SAXO2: variants seen among roughly 807,000 people sequenced by gnomAD.
SAXO2 encodes family with sequence similarity 154, member B.
SAXO2 carries 17 observed loss-of-function variants against 18.7 expected under a neutral mutation model. The observed-to-expected ratio is 0.91, with a 90% CI of 0.62 to 1.36. The LOEUF (loss-of-function observed/expected upper bound fraction) is 1.36. Among genes scored for constraint, SAXO2 ranks in the 40% most tolerant of loss-of-function variants. The probability of loss-of-function intolerance (pLI) is 0.00; values close to 1 mark genes in which losing one functional copy is unlikely to be tolerated. For missense variants in SAXO2, 486 were observed against 562.6 expected (o/e 0.86, Z 1.38); for synonymous variants, 163 against 181.2 (o/e 0.90, Z 0.81).
chr15:82,264,272 A>G (rs2075185313), intron 1 of SAXO2, among the ~76,000 whole-genome samples: 1 of 151,610 alleles, frequency 6.6e-6, no homozygotes, highest in East Asian at 1.9e-4. Flanking sequence ...GGGTTTCACC[A>G]TGTTGGCCTC....
intron 2 of SAXO2, among the ~76,000 whole-genome samples, chr15:82,270,560 T>C (rs1567089878): frequency 6.6e-6 from 1 of 152,278 alleles, no homozygotes; most frequent in East Asian, 1.9e-4. Context: ...AAGAATTCAG[T>C]GAGGGTTTTG....
intron 3 of SAXO2, among the ~76,000 whole-genome samples, chr15:82,278,034 G>C (rs2075330511): frequency 6.6e-6 from 1 of 152,098 alleles, no homozygotes; most frequent in Admixed American, 6.5e-5. Flanking sequence ...AAAAAAGCAG[G>C]AAGCTCCATT....
rs530864748 is a variant in SAXO2 at position 82,276,882 on chromosome 15, A to G, written c.433+5080A>G. Reference sequence around the variant, plus strand: ...TATTCCAGATAGAAGCATGAAATGCAGGAAGGGATGAAGCACACAGAAAGG... The same window carrying G: ...TATTCCAGATAGAAGCATGAAATGCGGGAAGGGATGAAGCACACAGAAAGG... On this transcript the variant is annotated intron_variant, in intron 3 of 3. Coordinates refer to ENST00000682753, the MANE Select transcript of SAXO2 (RefSeq NM_001348699.2). Among the ~76,000 whole-genome samples, 3 of 152,366 alleles carry G rather than the reference A, an allele frequency of 2.0e-5. No homozygotes were observed. In the East Asian group the frequency reaches 5.8e-4, roughly 29 times the overall value.
At chr15:82,275,458 C>G (rs1295407592) in intron 3 of SAXO2, among the ~76,000 whole-genome samples, 1 of 149,844 alleles carries the variant, frequency 6.7e-6, no homozygotes, top group Non-Finnish European at 1.5e-5. Flanking sequence ...TAACCAAAAT[C>G]TGACAAAAAC....
At chr15:82,264,068 A>ATTTTT (rs397853729) in intron 1 of SAXO2, among the ~76,000 whole-genome samples, 15 of 86,928 alleles carry the variant, frequency 1.7e-4, no homozygotes, top group Non-Finnish European at 3.1e-4. Flanking sequence ...ATATGCATTG[A>ATTTTT]TTTTTTTTTT....
intron 2 of SAXO2, among the ~76,000 whole-genome samples, chr15:82,268,285 T>C (rs1464571260): frequency 6.6e-6 from 1 of 152,196 alleles, no homozygotes; most frequent in Non-Finnish European, 1.5e-5. Flanking sequence ...ATGTAGAAAT[T>C]GAGAAAATTT....
intron 2 of SAXO2, among the ~76,000 whole-genome samples, chr15:82,270,151 G>T: frequency 6.6e-6 from 1 of 152,178 alleles, no homozygotes; most frequent in Non-Finnish European, 1.5e-5. Context: ...TTTCGATCTA[G>T]GTAGTGATCT....
chr15:82,274,721 A>G (rs1395069171), intron 3 of SAXO2, among the ~76,000 whole-genome samples: 5 of 151,390 alleles, frequency 3.3e-5, no homozygotes, highest in African/African-American at 4.8e-5. Context: ...AAAAAAAAGT[A>G]TTTGAAATAA....
At chr15:82,264,967 C>A (rs750549031) in intron 1 of SAXO2, 81 of 540,318 alleles carry the variant, frequency 1.5e-4, no homozygotes, top group Non-Finnish European at 2.2e-4. Context: ...TATGTGGAAC[C>A]TTTCTGCAAG....
intron 1 of SAXO2, chr15:82,263,239 G>A: frequency 6.8e-7 from 1 of 1,474,720 alleles, no homozygotes; most frequent in Non-Finnish European, 9.0e-7. Context: ...GTGAGTAGTG[G>A]GATGTGATCC....
chr15:82,283,231 T>C lies in SAXO2; in HGVS notation c.*169T>C. The C allele has an allele frequency of 2.3e-6, 1 of 439,864 alleles. No homozygotes were observed. The highest frequency in any genetic ancestry group is 3.8e-6 in the Non-Finnish European group (1 of 263,986). 27.2% of individuals were successfully genotyped at this position (439,864 alleles called of 1,614,324 possible). ...AAATCAGAATCTTAAAACCATTTTT[T>C]ATTGATATTTTAATCAAGATTGTTC... On this transcript the variant is annotated 3_prime_UTR_variant, in exon 4 of 4. Transcript: ENST00000682753.
At chr15:82,276,755 A>C (rs1289919418) in intron 3 of SAXO2, among the ~76,000 whole-genome samples, 1 of 152,200 alleles carries the variant, frequency 6.6e-6, no homozygotes, top group Non-Finnish European at 1.5e-5. Flanking sequence ...AATAGCCTTT[A>C]AAAATTAAAG....
chr15:82,272,084 A>G, intron 3 of SAXO2: 1 of 347,920 alleles, frequency 2.9e-6, no homozygotes, highest in Non-Finnish European at 5.2e-6. Flanking sequence ...TTAAAGAAGC[A>G]TTATGTCACA....
At chr15:82,280,193 C>T (rs2075351176) in intron 3 of SAXO2, among the ~76,000 whole-genome samples, 1 of 152,004 alleles carries the variant, frequency 6.6e-6, no homozygotes, top group South Asian at 2.1e-4. Flanking sequence ...CAATTTTCTG[C>T]AATTATGTAG....
intron 1 of SAXO2, 110 bp from the exon 2 acceptor site, chr15:82,265,459 G>T: frequency 1.1e-6 from 1 of 893,084 alleles, no homozygotes; most frequent in Non-Finnish European, 1.5e-6. Context: ...TGGTTTTTTA[G>T]TAAAGCTCTA....
intron 3 of SAXO2, among the ~76,000 whole-genome samples, chr15:82,277,059 G>T (rs2075321466): frequency 6.6e-6 from 1 of 152,180 alleles, no homozygotes; most frequent in Non-Finnish European, 1.5e-5. Flanking sequence ...GTTCTTCCAT[G>T]CTAGAAGTGG....
chr15:82,274,569 G>A (rs1172975891), intron 3 of SAXO2, among the ~76,000 whole-genome samples: 2 of 151,824 alleles, frequency 1.3e-5, no homozygotes, highest in African/African-American at 4.8e-5. Context: ...TAGGCATGAT[G>A]ATGGGTGCCT....
chr15:82,267,308 G>A (rs2075228371), intron 2 of SAXO2, among the ~76,000 whole-genome samples: 1 of 152,206 alleles, frequency 6.6e-6, no homozygotes. Flanking sequence ...GGAGCTTGCA[G>A]GTCATATGTA....
intron 3 of SAXO2, among the ~76,000 whole-genome samples, chr15:82,280,183 C>T (rs2075351014): frequency 6.6e-6 from 1 of 151,994 alleles, no homozygotes; most frequent in Non-Finnish European, 1.5e-5. Flanking sequence ...GGGAGAAAAT[C>T]AATTTTCTGC....
Sources: allele counts gnomAD v4.1 joint callset (sites outside exome capture counted in the v4.1 genomes callset), GRCh38; gene constraint gnomAD v4.1.1; transcripts MANE v1.5; gene names NCBI Gene and HGNC (gene_info 2026-07-23, HGNC 2026-07-21).